Variants in CREBBP observed in about 807,000 individuals in gnomAD.
CREBBP encodes CREB binding lysine acetyltransferase.
In CREBBP, 19 loss-of-function variants were observed where a neutral mutation model predicts 265.0. The ratio of observed to expected loss-of-function variants is 0.07; its 90% CI spans 0.05 to 0.11. The LOEUF (loss-of-function observed/expected upper bound fraction) is 0.11, where lower values mean the gene tolerates loss of function less well. Among genes scored for constraint, CREBBP ranks in the 10% least tolerant of loss-of-function variants. The pLI, the probability that CREBBP is intolerant of heterozygous loss-of-function variation, is 1.00. For synonymous variants in CREBBP, 1,457 were observed against 1,223.7 expected, an observed-to-expected ratio of 1.19 and a Z score of -3.98; for missense variants, 2,525 against 3,219.0, an observed-to-expected ratio of 0.78 and a Z score of 5.22.
chr16:3,869,695 A>G (rs566542941), intron 1 of CREBBP, among the ~76,000 whole-genome samples: 1 of 152,300 alleles, frequency 6.6e-6, no homozygotes, highest in African/African-American at 2.4e-5. Flanking sequence ...ACTGTGTCAT[A>G]TAGACACAGC....
At position 3,852,157 on chromosome 16, in the gene CREBBP, GTTTTTTTT is replaced by G. The variant is rs910861282; in HGVS notation, c.86-1156_86-1149del. ...GGACAGTAAAGCCAATCTTAAATTT[GTTTTTTTT>G]TTTTTTTTTTTTTTTTTGAGACAGA... is the stretch of plus-strand genomic sequence containing the variant. On this transcript the variant is annotated intron_variant, in intron 1 of 30. Transcript: ENST00000262367. 5.1e-4 allele frequency among the ~76,000 whole-genome samples: 26 copies of G among 50,914 alleles called. No individual in the cohort carries two copies. In the East Asian group the frequency reaches 0.012, roughly 24 times the overall value. The allele number at this position is 50,914 out of a possible 152,430, so 33.4% of individuals were successfully genotyped here.
intron 26 of CREBBP, chr16:3,737,145 G>A (rs1054601772): frequency 9.3e-5 from 42 of 449,210 alleles, no homozygotes; most frequent in African/African-American, 8.3e-4. Flanking sequence ...CCTGTGCACT[G>A]TAAAGGCAGT....
chr16:3,727,724 G>A lies in CREBBP; in HGVS notation c.7323C>T (p.Gly2441=), dbSNP rs374635162. 4 of 1,614,062 alleles carry A rather than the reference G, an allele frequency of 2.5e-6. No homozygotes were observed. The South Asian group carries it at 4.4e-5, about 18-fold the overall frequency. ...TGDTLEKFVE[G]L The stretch of plus-strand genomic sequence containing the variant: ...AGGTGATGCTCTCACAATGCTACAA[G>A]CCCTCCACAAACTTCTCTAGCGTGT... Residue 2441 remains glycine, a synonymous_variant, in exon 31 of 31, where the codon GGC becomes GGT. Coordinates refer to ENST00000262367, the MANE Select transcript of CREBBP (RefSeq NM_004380.3).
At chr16:3,747,590 G>A (rs1054473330) in intron 21 of CREBBP, among the ~76,000 whole-genome samples, 11 of 152,178 alleles carry the variant, frequency 7.2e-5, no homozygotes, top group Admixed American at 6.5e-4. Context: ...CCAGCAGGAA[G>A]GAGACCCCTT....
At chr16:3,750,375 C>T (rs2052446296) in intron 20 of CREBBP, among the ~76,000 whole-genome samples, 1 of 152,184 alleles carries the variant, frequency 6.6e-6, no homozygotes, top group Non-Finnish European at 1.5e-5. Context: ...TAAGTGCCTA[C>T]ACTGCTGGAA....
chr16:3,840,149 T>C (rs917703526), intron 2 of CREBBP, among the ~76,000 whole-genome samples: 1 of 152,234 alleles, frequency 6.6e-6, no homozygotes, highest in South Asian at 2.1e-4. Context: ...AATTAAGATA[T>C]GCTTAATATA....
rs569346213 is a variant in CREBBP, at chr16:3,830,057, T to C, written c.799-19278A>G. 2.6e-5 allele frequency among the ~76,000 whole-genome samples: 4 copies of C among 152,252 alleles called. No homozygotes were observed. The South Asian group carries it at 6.2e-4, about 24-fold the overall frequency. On this transcript the variant is annotated intron_variant, in intron 2 of 30. Transcript: ENST00000262367. ...ACTAAGGTTATCAGAATAAATTAAA[T>C]AAGATCTAATGCTACGCTGCTTACA...
chr16:3,849,431 GTGTGTGTGTGTGTGTGTGTGTGTGT>G lies in CREBBP; in HGVS notation c.798+841_798+865del, dbSNP rs2054753651. Among the ~76,000 whole-genome samples, 26 of 14,490 alleles carry G rather than the reference GTGTGTGTGTGTGTGTGTGTGTGTGT, an allele frequency of 1.8e-3. 1 individual carries two copies. The highest frequency in any genetic ancestry group is 6.8e-3 in the East Asian group (2 of 296). 9.5% of individuals were successfully genotyped at this position (14,490 alleles called of 152,430 possible). A position where few individuals can be genotyped will look rare whatever the true frequency, so the allele number is the denominator to read the frequency against. ...TGTGTGTGTGTGTGTGTGTGTGTGTGTGTGTGTGTGTGTGTGTGTGTGTGTGTGTGTGTGTGTGTGTGTGTGTGTG... is the reference window on the plus strand; with the variant it reads ...TGTGTGTGTGTGTGTGTGTGTGTGTGGTGTGTGTGTGTGTGTGTGTGTGTG... On this transcript the variant is annotated intron_variant, in intron 2 of 30. Transcript: ENST00000262367.
intron 3 of CREBBP, among the ~76,000 whole-genome samples, chr16:3,796,436 G>C (rs1392033208): frequency 7.9e-5 from 12 of 151,424 alleles, no homozygotes; most frequent in African/African-American, 2.7e-4. Context: ...GCCTAAGCTG[G>C]AGTGCAGTGG....
Position 3,728,321 on chromosome 16 carries a change from C to T in CREBBP, c.6726G>A (p.Pro2242=), listed in dbSNP as rs747704154. 1.2e-5 allele frequency: 19 copies of T among 1,611,992 alleles called. 1 individual carries two copies. Among genetic ancestry groups the T allele is most frequent in the Admixed American group, 3.3e-5 (2 of 59,928 alleles). ...QQPQGPGGYP[P]AMQQQQRMQQ... The stretch of plus-strand genomic sequence containing the variant: ...GCATGCGCTGCTGCTGCTGCATGGC[C>T]GGTGGGTAGCCTCCGGGTCCTTGAG... The change falls in exon 31 of 31, where the codon CCG becomes CCA. Residue 2242 remains proline, a synonymous_variant. Coordinates refer to ENST00000262367, the MANE Select transcript of CREBBP (RefSeq NM_004380.3). The surrounding 1 kb of genome is among the most constrained non-coding windows in gnomAD (Gnocchi z 8.7).
At chr16:3,793,750 G>T in intron 3 of CREBBP, 124 bp from the exon 4 acceptor site, 2 of 1,181,158 alleles carry the variant, frequency 1.7e-6, no homozygotes, top group Non-Finnish European at 2.4e-6. Flanking sequence ...GAAGGCTGGT[G>T]TAGTTCTCTA....
intron 2 of CREBBP, among the ~76,000 whole-genome samples, chr16:3,841,558 T>C (rs953863311): frequency 7.2e-5 from 11 of 152,294 alleles, no homozygotes; most frequent in African/African-American, 2.4e-4. Flanking sequence ...GGAGCACTGC[T>C]TGAGCCCAGG....
At chr16:3,751,892 G>T in intron 19 of CREBBP, 86 bp from the exon 20 acceptor site, 2 of 1,314,886 alleles carry the variant, frequency 1.5e-6, no homozygotes, top group Non-Finnish European at 2.2e-6. Flanking sequence ...TCAGAGCAGG[G>T]CAGAGCACCA....
Position 3,739,533 on chromosome 16 carries a change from C to T in CREBBP, c.4280+45G>A, listed in dbSNP as rs763524610. 12 of 1,613,220 alleles carry T rather than the reference C, an allele frequency of 7.4e-6. No homozygotes were observed. The African/African-American group carries it at 8.0e-5, about 11-fold the overall frequency. Reference sequence around the variant, plus strand: ...ACTTAAGAGCCCTGGTCTATCCTAACACGGCTCACTGAATGACACGCCCTG... The same window carrying T: ...ACTTAAGAGCCCTGGTCTATCCTAATACGGCTCACTGAATGACACGCCCTG... On this transcript the variant is annotated intron_variant, in intron 25 of 30. Transcript: ENST00000262367.
chr16:3,743,919 T>C lies in CREBBP; in HGVS notation c.3982+975A>G, dbSNP rs896528678. Among the ~76,000 whole-genome samples, 7 of 151,788 alleles carry C rather than the reference T, an allele frequency of 4.6e-5. No individual in the cohort carries two copies. In the East Asian group the frequency reaches 1.4e-3, roughly 29 times the overall value. The stretch of plus-strand genomic sequence containing the variant: ...TGGTGAAACCCGTCTCTACTAAAAA[T>C]ACAAAAATTAGCTGGGCAAGGTGGC... On this transcript the variant is annotated intron_variant, in intron 23 of 30. Transcript: ENST00000262367.
At chr16:3,767,462 T>G (rs1938668654) in intron 16 of CREBBP, 2 of 578,426 alleles carry the variant, frequency 3.5e-6, no homozygotes, top group South Asian at 2.1e-5. Flanking sequence ...GCCAGCACCA[T>G]CAGAAGACAG....
At position 3,731,798 on chromosome 16, in the gene CREBBP, G is replaced by A. The variant is rs2151318851; in HGVS notation, c.4868C>T (p.Ala1623Val). 6.2e-7 allele frequency: 1 copy of A among 1,614,260 alleles called. No individual in the cohort carries two copies. The highest frequency in any genetic ancestry group is 8.5e-7 in the Non-Finnish European group (1 of 1,180,044). The change falls in exon 29 of 31, where the codon GCC becomes GTC. Residue 1623 changes from alanine (A) to valine (V), a missense_variant. Transcript: ENST00000262367. The surrounding 1 kb of genome is among the most constrained non-coding windows in gnomAD (Gnocchi z 7.7). ...VSNDLSQKLY[A>V]TMEKHKEVFF... ...TACCTCCTTGTGCTTCTCCATGGTG[G>A]CATACAGCTTCTGGGACAGGTCATT... is the stretch of plus-strand genomic sequence containing the variant.
At chr16:3,746,154 A>G (rs2052337375) in intron 21 of CREBBP, among the ~76,000 whole-genome samples, 1 of 152,132 alleles carries the variant, frequency 6.6e-6, no homozygotes, top group Non-Finnish European at 1.5e-5. Context: ...GATAGGCTGA[A>G]GGGACTGGTG....
rs2051816277 is a variant in CREBBP, at chr16:3,728,574, T to C, written c.6473A>G (p.Gln2158Arg). The C allele has an allele frequency of 6.2e-7, 1 of 1,614,036 alleles. No homozygotes were observed. Among genetic ancestry groups the C allele is most frequent in the Non-Finnish European group, 8.5e-7 (1 of 1,179,992 alleles). ...GVPRPGVPPQ[Q>R]QAMGGLNPQG... The stretch of plus-strand genomic sequence containing the variant: ...GGGGTTCAGGCCTCCCATCGCCTGC[T>C]GCTGTGGAGGCACACCGGGCCGCGG... The change falls in exon 31 of 31, where the codon CAG (glutamine) becomes CGG (arginine). Residue 2158 changes from glutamine (Q) to arginine (R), a missense_variant. Gln to Arg is a conservative substitution (Grantham distance 43). Transcript: ENST00000262367. This position sits in a 1 kb window ranked among gnomAD's most constrained non-coding sequence, Gnocchi z 8.7.
Sources: gnomAD v4.1 joint callset for allele counts (sites outside exome capture counted in the v4.1 genomes callset) on GRCh38, gnomAD v4.1.1 for gene constraint, Gnocchi (gnomAD v3.1) non-coding constraint, MANE v1.5 for transcripts, NCBI Gene and HGNC (gene_info 2026-07-23, HGNC 2026-07-21) for gene names.